AGO4: variants seen among roughly 807,000 people sequenced by gnomAD.
AGO4 encodes the protein protein argonaute-4.
AGO4 carries 33 observed loss-of-function variants against 104.7 expected under a neutral mutation model. The ratio of observed to expected loss-of-function variants is 0.32; its 90% CI spans 0.24 to 0.42. The LOEUF (loss-of-function observed/expected upper bound fraction) is 0.42. Among genes scored for constraint, AGO4 ranks in the 10% least tolerant of loss-of-function variants. The pLI is 1.00. For missense variants in AGO4, 711 were observed against 1,083.4 expected, an observed-to-expected ratio of 0.66 and a Z score of 4.83; for synonymous variants, 331 against 364.7, an observed-to-expected ratio of 0.91 and a Z score of 1.05.
At chr1:35,847,929 T>C (rs975812797) in intron 15 of AGO4, among the ~76,000 whole-genome samples, 2 of 152,096 alleles carry the variant, frequency 1.3e-5, no homozygotes, top group African/African-American at 4.8e-5. Flanking sequence ...TAATGTGCAG[T>C]GATCAAATCA....
At chr1:35,833,844 CAGTT>C in intron 11 of AGO4, 142 bp from the exon 12 acceptor site, 1 of 680,950 alleles carries the variant, frequency 1.5e-6, no homozygotes, top group African/African-American at 1.9e-5. Flanking sequence ...TTTTGGCAAC[CAGTT>C]AAAGATTTTT....
chr1:35,818,658 A>AAGG (rs1553144551), intron 2 of AGO4, among the ~76,000 whole-genome samples: 1,376 of 61,170 alleles, frequency 0.022, 12 homozygotes, highest in Middle Eastern at 0.042. Flanking sequence ...AGAAAGAAAG[A>AAGG]AAGGAAGAAA....
At chr1:35,835,758 TG>T in intron 12 of AGO4, 75 bp from the exon 13 acceptor site, 1 of 1,237,452 alleles carries the variant, frequency 8.1e-7, no homozygotes. Context: ...AGTTAATGTG[TG>T]GGGTTTTTTT....
chr1:35,825,605 C>G (rs1643999853), intron 4 of AGO4, 74 bp from the exon 5 acceptor site: 1 of 1,532,482 alleles, frequency 6.5e-7, no homozygotes, highest in African/African-American at 1.4e-5. Flanking sequence ...TTGATTTCAG[C>G]TCCCAGAGTT....
chr1:35,826,156 G>A (rs1296929166), intron 6 of AGO4, 96 bp downstream of exon 6: 1 of 1,477,974 alleles, frequency 6.8e-7, no homozygotes, highest in Non-Finnish European at 9.1e-7. Flanking sequence ...TTCGGTCTCA[G>A]GCTAACCACT....
intron 15 of AGO4, among the ~76,000 whole-genome samples, chr1:35,846,909 G>A (rs137881976): frequency 6.6e-5 from 10 of 152,170 alleles, no homozygotes; most frequent in South Asian, 2.1e-4. Context: ...TAAGCAAGGC[G>A]TGGTGGTGCA....
In AGO4 at chr1:35,841,286, C is replaced by T. The variant is rs751529574; in HGVS notation, c.1846C>T (p.Arg616Trp). 14 of 1,614,110 alleles carry T rather than the reference C, an allele frequency of 8.7e-6. No individual in the cohort carries two copies. The highest frequency in any genetic ancestry group is 2.2e-5 in the East Asian group (1 of 44,872). The change falls in exon 14 of 18, where the codon CGG becomes TGG. Residue 616 changes from arginine to tryptophan, a missense_variant. Coordinates refer to ENST00000373210, the MANE Select transcript of AGO4 (RefSeq NM_017629.4). This position sits in a 1 kb window ranked among gnomAD's most constrained non-coding sequence, Gnocchi z 4.7. ...TGGCAGTATGGATGGCCACCCCAGC[C>T]GGTACTGTGCCACCGTTCGGGTGCA... ...VVGSMDGHPSRYCATVRVQTS... is the reference protein window; with the variant it reads ...VVGSMDGHPSWYCATVRVQTS...
At chr1:35,833,679 AT>A (rs1433931409) in intron 11 of AGO4, among the ~76,000 whole-genome samples, 2 of 152,204 alleles carry the variant, frequency 1.3e-5, no homozygotes, top group Admixed American at 1.3e-4. Flanking sequence ...ATTGATTCGA[AT>A]GTTTAAAAGA....
At position 35,850,897 on chromosome 1, in the gene AGO4, A is replaced by C. The variant is rs1644688027; in HGVS notation, c.2321A>C (p.Asn774Thr). 1 of 1,613,912 alleles carries C rather than the reference A, an allele frequency of 6.2e-7. No individual in the cohort carries two copies. The highest frequency in any genetic ancestry group is 8.5e-7 in the Non-Finnish European group (1 of 1,179,992). Residue 774 changes from asparagine (N) to threonine (T), a missense_variant, in exon 17 of 18, where the codon AAC becomes ACC. Asn to Thr is a moderately conservative substitution (Grantham distance 65, BLOSUM62 0). Around this residue, in one of 3 missense-constraint regions of AGO4, gnomAD observed 401 missense variants for 665.5 expected, o/e 0.60. Coordinates refer to ENST00000373210, the MANE Select transcript of AGO4 (RefSeq NM_017629.4). The part of the protein sequence containing the change: ...PSHYQVLWDD[N>T]CFTADELQLL... ...CATTACCAGGTCTTGTGGGATGACA[A>C]CTGCTTCACTGCAGATGAACTCCAG...
chr1:35,850,159 A>G lies in AGO4; in HGVS notation c.2178A>G (p.Val726=), dbSNP rs1644666112. Residue 726 remains valine (V), a splice_region_variant and synonymous_variant, in exon 16 of 18, where the codon GTA becomes GTG. Transcript: ENST00000373210. The part of the protein sequence containing the change: ...RLFCADKTER[V]GKSGNVPAGT... ...TTACTTTTTTTTGTTTTTTGTAGGTAGGGAAAAGTGGCAATGTACCAGCAG... is the reference window on the plus strand; with the variant it reads ...TTACTTTTTTTTGTTTTTTGTAGGTGGGGAAAAGTGGCAATGTACCAGCAG... 6.4e-7 allele frequency: 1 copy of G among 1,568,332 alleles called. No individual in the cohort carries two copies. Among genetic ancestry groups the G allele is most frequent in the Non-Finnish European group, 8.6e-7 (1 of 1,159,056 alleles).
chr1:35,827,313 C>T (rs979234182), intron 7 of AGO4, among the ~76,000 whole-genome samples: 1 of 150,908 alleles, frequency 6.6e-6, no homozygotes, highest in African/African-American at 2.4e-5. Context: ...TGAAGTCAGG[C>T]GTTCGAGACC....
chr1:35,814,121 GGAAGGAAGGAAGGAAA>G (rs1643610603), intron 1 of AGO4, among the ~76,000 whole-genome samples: 1 of 149,956 alleles, frequency 6.7e-6, no homozygotes, highest in African/African-American at 2.4e-5. Flanking sequence ...AGAGAAAAAA[GGAAGGAAGGAAGGAAA>G]GAAGGAAGGA....
rs539419777 is a variant in AGO4, at chr1:35,830,667, C to T, written c.849-760C>T. Among the ~76,000 whole-genome samples, 21 of 152,174 alleles carry T rather than the reference C, an allele frequency of 1.4e-4. 1 individual carries two copies. The highest frequency in any genetic ancestry group is 4.6e-4 in the African/African-American group (19 of 41,506). Reference sequence around the variant, plus strand: ...TACTAAACTTACTTAAGTGAAAATGCTCAAATAAAGATTAACTTTTGTTTT... The same window carrying T: ...TACTAAACTTACTTAAGTGAAAATGTTCAAATAAAGATTAACTTTTGTTTT... On this transcript the variant is annotated intron_variant, in intron 7 of 17. Coordinates refer to ENST00000373210, the MANE Select transcript of AGO4 (RefSeq NM_017629.4).
chr1:35,823,061 C>A, intron 3 of AGO4, 79 bp downstream of exon 3: 71 of 1,512,756 alleles, frequency 4.7e-5, no homozygotes, highest in Non-Finnish European at 6.4e-5. Flanking sequence ...TTCTTCCCAA[C>A]ACACACAAAA....
Position 35,841,662 on chromosome 1 carries a change from T to A in AGO4, c.2087T>A (p.Leu696Ter). The change falls in exon 15 of 18, where the codon TTG becomes TAG. Residue 696 changes from leucine to a stop codon, truncating the protein, a stop_gained. Coordinates refer to ENST00000373210, the MANE Select transcript of AGO4 (RefSeq NM_017629.4). LOFTEE classifies it high-confidence loss of function. The surrounding 1 kb of genome is among the most constrained non-coding windows in gnomAD (Gnocchi z 4.7). ...GCAATTCGAAAGGCATGTATTAGCT[T>A]GGAAGAAGATTACCGGCCAGGAATA... ...LIAIRKACIS[L>*]EEDYRPGITY... 6.2e-7 allele frequency: 1 copy of A among 1,614,014 alleles called. No homozygotes were observed. The highest frequency in any genetic ancestry group is 8.5e-7 in the Non-Finnish European group (1 of 1,179,978).
intron 1 of AGO4, among the ~76,000 whole-genome samples, chr1:35,811,621 T>A (rs1643510330): frequency 6.6e-6 from 1 of 152,184 alleles, no homozygotes; most frequent in Non-Finnish European, 1.5e-5. Flanking sequence ...TGTTGTTTTT[T>A]GAGACAGAGT....
At chr1:35,815,155 G>A (rs1643651966) in intron 1 of AGO4, among the ~76,000 whole-genome samples, 1 of 152,288 alleles carries the variant, frequency 6.6e-6, no homozygotes, top group African/African-American at 2.4e-5. Context: ...TGGGATTACA[G>A]GTGTGAGCCA....
At chr1:35,817,570 G>C (rs1643752689) in intron 2 of AGO4, among the ~76,000 whole-genome samples, 1 of 152,148 alleles carries the variant, frequency 6.6e-6, no homozygotes, top group Non-Finnish European at 1.5e-5. Flanking sequence ...GATGATGTAA[G>C]TATTGTGGTC....
chr1:35,831,466 T>C lies in AGO4; in HGVS notation c.888T>C (p.Cys296=), dbSNP rs772909230. The part of the protein sequence containing the change: ...LQLENGQAME[C]TVAQYFKQKY... Reference sequence around the variant, plus strand: ...TAGAAAACGGTCAAGCTATGGAATGTACAGTAGCTCAATATTTTAAGCAAA... The same window carrying C: ...TAGAAAACGGTCAAGCTATGGAATGCACAGTAGCTCAATATTTTAAGCAAA... The change falls in exon 8 of 18, where the codon TGT becomes TGC. Residue 296 remains cysteine, a synonymous_variant. Transcript: ENST00000373210. The C allele has an allele frequency of 6.2e-7, 1 of 1,614,158 alleles. No homozygotes were observed. The highest frequency in any genetic ancestry group is 8.5e-7 in the Non-Finnish European group (1 of 1,180,000).
Sources: allele counts gnomAD v4.1 joint callset (sites outside exome capture counted in the v4.1 genomes callset), GRCh38; gene constraint gnomAD v4.1.1; regional missense constraint gnomAD v4.1.1; non-coding constraint Gnocchi (gnomAD v3.1); transcripts MANE v1.5; gene names NCBI Gene and HGNC (gene_info 2026-07-23, HGNC 2026-07-21).